FSTL4: variants seen among roughly 807,000 people sequenced by gnomAD.
The protein encoded by FSTL4 is follistatin-related protein 4.
Under a neutral mutation model 78.2 loss-of-function variants are expected in FSTL4, and 28 were observed. That is an observed-to-expected ratio of 0.36 (90% CI 0.27 to 0.49). The LOEUF (loss-of-function observed/expected upper bound fraction) is 0.49, where lower values mean the gene tolerates loss of function less well. Ranked by LOEUF, FSTL4 falls within the 20% of genes least tolerant of loss-of-function variation. FSTL4 has a pLI of 0.98. For synonymous variants in FSTL4, 422 were observed against 440.5 expected, an observed-to-expected ratio of 0.96 and a Z score of 0.53; for missense variants, 922 against 1,084.9, an observed-to-expected ratio of 0.85 and a Z score of 2.11.
At chr5:133,616,365 G>A (rs10076895), upstream of FSTL4, among the ~76,000 whole-genome samples, 5,943 of 127,652 alleles carry the variant, frequency 0.047, 200 homozygotes, top group African/African-American at 0.11. Context: ...AATTTTAAAG[G>A]TGAACTGCTA....
At chr5:133,777,304 A>G in the FSTL4 span, among the ~76,000 whole-genome samples, 6 of 152,236 alleles carry the variant, frequency 3.9e-5, no homozygotes, top group Admixed American at 3.9e-4. Flanking sequence ...ACAAAATGTT[A>G]TACAGTATGC....
chr5:133,329,400 G>T (rs12652769), intron 4 of FSTL4, among the ~76,000 whole-genome samples: 4,214 of 151,758 alleles, frequency 0.028, 77 homozygotes, highest in East Asian at 0.075. Context: ...GAGAGAGAGA[G>T]ATATATATAT....
At chr5:133,658,182 C>T in the FSTL4 span, among the ~76,000 whole-genome samples, 1 of 152,038 alleles carries the variant, frequency 6.6e-6, no homozygotes, top group Non-Finnish European at 1.5e-5. Flanking sequence ...TTAGCTAATA[C>T]CATATTTAGG....
At chr5:133,824,571 C>T in the FSTL4 span, among the ~76,000 whole-genome samples, 1 of 152,154 alleles carries the variant, frequency 6.6e-6, no homozygotes, top group East Asian at 1.9e-4. Context: ...GTATATTTCA[C>T]CACCATTAAA....
chr5:133,641,345 C>A, the FSTL4 span, among the ~76,000 whole-genome samples: 1 of 152,124 alleles, frequency 6.6e-6, no homozygotes, highest in Non-Finnish European at 1.5e-5. Flanking sequence ...GGACAAGGGG[C>A]CATTCCATTT....
the FSTL4 span, among the ~76,000 whole-genome samples, chr5:133,802,255 A>G: frequency 1.3e-5 from 2 of 152,198 alleles, no homozygotes; most frequent in Non-Finnish European, 2.9e-5. Context: ...TCGATGCATA[A>G]TTCTGCAATT....
intron 3 of FSTL4, among the ~76,000 whole-genome samples, chr5:133,541,869 C>T (rs982230425): frequency 2.6e-5 from 4 of 151,864 alleles, no homozygotes; most frequent in Non-Finnish European, 5.9e-5. Flanking sequence ...GTGTACATTG[C>T]TACTGGAGTA....
intron 1 of FSTL4, among the ~76,000 whole-genome samples, chr5:133,607,638 C>T (rs1213933189): frequency 1.2e-4 from 18 of 152,172 alleles, no homozygotes; most frequent in Admixed American, 1.2e-3. Flanking sequence ...TTTGTTTTGT[C>T]CTGCCTGTTT....
intron 3 of FSTL4, among the ~76,000 whole-genome samples, chr5:133,431,474 A>G (rs1756937084): frequency 6.6e-6 from 1 of 152,200 alleles, no homozygotes; most frequent in South Asian, 2.1e-4. Context: ...ACTACCCTGC[A>G]GGAGAGACCG....
the FSTL4 span, among the ~76,000 whole-genome samples, chr5:133,710,220 A>G: frequency 1.3e-5 from 2 of 152,152 alleles, no homozygotes; most frequent in Non-Finnish European, 2.9e-5. Flanking sequence ...ACTCTGCAAT[A>G]TGCTCACCAT....
rs552482774 is a variant in FSTL4 at position 133,415,097 on chromosome 5, TTGAGCCACTTC to T, written c.161-14122_161-14112del. ...ATACAAGGTCAGTGACTAGTTCCTTTTGAGCCACTTCTGATAGAAGAAATCAAAAGACTGAG... is the reference window on the plus strand; with the variant it reads ...ATACAAGGTCAGTGACTAGTTCCTTTTGATAGAAGAAATCAAAAGACTGAG... On this transcript the variant is annotated intron_variant, in intron 3 of 15. Transcript: ENST00000265342. Among the ~76,000 whole-genome samples the T allele has an allele frequency of 5.9e-5, 9 of 152,376 alleles. No homozygotes were observed. The East Asian group carries it at 1.7e-3, about 29-fold the overall frequency.
intron 3 of FSTL4, among the ~76,000 whole-genome samples, chr5:133,512,760 T>G (rs1368593379): frequency 6.6e-6 from 1 of 152,170 alleles, no homozygotes; most frequent in African/African-American, 2.4e-5. Context: ...GTAGCCTTAG[T>G]TGCCAACAGG....
intron 14 of FSTL4, among the ~76,000 whole-genome samples, chr5:133,206,912 A>C (rs887518363): frequency 8.2e-6 from 1 of 121,924 alleles, no homozygotes; most frequent in Non-Finnish European, 1.7e-5. Flanking sequence ...GTATCCTGTA[A>C]ATTTTGATAT....
chr5:133,291,303 C>T (rs904754736), intron 6 of FSTL4, among the ~76,000 whole-genome samples: 5 of 152,104 alleles, frequency 3.3e-5, no homozygotes, highest in African/African-American at 9.7e-5. Context: ...TGTCTGGAGG[C>T]GTGGGTGGGA....
At chr5:133,473,627 G>A (rs573518601) in intron 3 of FSTL4, among the ~76,000 whole-genome samples, 15 of 152,344 alleles carry the variant, frequency 9.8e-5, no homozygotes, top group African/African-American at 3.6e-4. Context: ...TAAGAAAGGT[G>A]TAATAACAGA....
At chr5:133,406,118 G>A (rs1756357653) in intron 3 of FSTL4, among the ~76,000 whole-genome samples, 1 of 152,230 alleles carries the variant, frequency 6.6e-6, no homozygotes, top group Non-Finnish European at 1.5e-5. Flanking sequence ...GCTGCAGCGG[G>A]CACACTTTAC....
chr5:133,567,813 T>C (rs1760060972), intron 2 of FSTL4, among the ~76,000 whole-genome samples: 2 of 152,246 alleles, frequency 1.3e-5, no homozygotes. Context: ...CCTATCTTTA[T>C]TGATGCTTAC....
At position 133,361,954 on chromosome 5, in the gene FSTL4, T is replaced by A. The variant is rs1045544902; in HGVS notation, c.409+38784A>T. Among the ~76,000 whole-genome samples the A allele has an allele frequency of 7.9e-5, 12 of 152,274 alleles. No homozygotes were observed. Among genetic ancestry groups the A allele is most frequent in the Non-Finnish European group, 1.6e-4 (11 of 68,044 alleles). On this transcript the variant is annotated intron_variant, in intron 4 of 15. Transcript: ENST00000265342. This position sits in a 1 kb window ranked among gnomAD's most constrained non-coding sequence, Gnocchi z 4.3. Reference sequence around the variant, plus strand: ...TTTATAATTATTTGAGCCTAGAACCTAACTCTAGTTATCCATGAATACAAA... The same window carrying A: ...TTTATAATTATTTGAGCCTAGAACCAAACTCTAGTTATCCATGAATACAAA...
At chr5:133,289,456 A>G (rs920097320) in intron 6 of FSTL4, among the ~76,000 whole-genome samples, 1 of 151,928 alleles carries the variant, frequency 6.6e-6, no homozygotes, top group Non-Finnish European at 1.5e-5. Flanking sequence ...ATATTTACAT[A>G]CCTCCTTCTT....
Sources: gnomAD v4.1 joint callset for allele counts (sites outside exome capture counted in the v4.1 genomes callset) on GRCh38, gnomAD v4.1.1 for gene constraint, Gnocchi (gnomAD v3.1) non-coding constraint, MANE v1.5 for transcripts, NCBI Gene and HGNC (gene_info 2026-07-23, HGNC 2026-07-21) for gene names.